MGAT4C: variants seen among roughly 807,000 people sequenced by gnomAD.
The protein encoded by MGAT4C is alpha-1,3-mannosyl-glycoprotein 4-beta-N-acetylglucosaminyltransferase C.
In MGAT4C, 19 loss-of-function variants were observed where a neutral mutation model predicts 40.1. That is an observed-to-expected ratio of 0.47 (90% CI 0.33 to 0.70). MGAT4C has a LOEUF of 0.70. Among genes scored for constraint, MGAT4C ranks in the 30% least tolerant of loss-of-function variants. The probability of loss-of-function intolerance (pLI) is 0.02; values close to 1 mark genes in which losing one functional copy is unlikely to be tolerated. For synonymous variants in MGAT4C, 181 were observed against 187.1 expected, an observed-to-expected ratio of 0.97 and a Z score of 0.27; for missense variants, 491 against 563.2, an observed-to-expected ratio of 0.87 and a Z score of 1.30.
intron 2 of MGAT4C, among the ~76,000 whole-genome samples, chr12:86,439,603 C>A (rs1957193375): frequency 6.6e-6 from 1 of 151,894 alleles, no homozygotes; most frequent in South Asian, 2.1e-4. Context: ...CCAAAGCTAG[C>A]AGAAGATAAA....
chr12:86,475,512 TAGTC>T (rs1264332837), intron 2 of MGAT4C, among the ~76,000 whole-genome samples: 1 of 152,036 alleles, frequency 6.6e-6, no homozygotes, highest in African/African-American at 2.4e-5. Flanking sequence ...AATAAATTGT[TAGTC>T]ATCAATTTGA....
chr12:86,331,004 C>T (rs190946600), intron 4 of MGAT4C, among the ~76,000 whole-genome samples: 2 of 152,244 alleles, frequency 1.3e-5, no homozygotes, highest in East Asian at 3.9e-4. Flanking sequence ...CTGCAGCAAC[C>T]TCAACTCTGG....
intron 1 of MGAT4C, among the ~76,000 whole-genome samples, chr12:86,130,588 C>G (rs929555330): frequency 1.3e-5 from 2 of 151,796 alleles, no homozygotes; most frequent in African/African-American, 4.8e-5. Flanking sequence ...AAAGCTGATA[C>G]AAATTCATAT....
intron 2 of MGAT4C, among the ~76,000 whole-genome samples, chr12:86,622,842 G>T (rs376595341): frequency 2.0e-5 from 3 of 151,984 alleles, no homozygotes; most frequent in Non-Finnish European, 4.4e-5. Flanking sequence ...ACAGGAATGA[G>T]AGAATTAGTA....
intron 2 of MGAT4C, among the ~76,000 whole-genome samples, chr12:86,557,390 G>C (rs1170951032): frequency 6.6e-6 from 1 of 152,178 alleles, no homozygotes; most frequent in Non-Finnish European, 1.5e-5. Flanking sequence ...CCAGTCACCA[G>C]TGATGCCTGC....
intron 4 of MGAT4C, among the ~76,000 whole-genome samples, chr12:86,329,820 G>T (rs1187568633): frequency 6.6e-6 from 1 of 152,134 alleles, no homozygotes; most frequent in Non-Finnish European, 1.5e-5. Flanking sequence ...TGGTGTTAGA[G>T]TTAAAAATTT....
At chr12:86,537,751 A>G (rs1592963594) in intron 2 of MGAT4C, among the ~76,000 whole-genome samples, 1 of 152,178 alleles carries the variant, frequency 6.6e-6, no homozygotes, top group African/African-American at 2.4e-5. Context: ...CATGTACATG[A>G]ATATACATCC....
At chr12:86,747,742 C>A (rs911257075) in intron 1 of MGAT4C, among the ~76,000 whole-genome samples, 2 of 151,082 alleles carry the variant, frequency 1.3e-5, no homozygotes, top group African/African-American at 4.9e-5. Context: ...TGCCAATAGT[C>A]TTTTATGTTC....
intron 4 of MGAT4C, among the ~76,000 whole-genome samples, chr12:86,293,707 C>T (rs1430791827): frequency 1.3e-5 from 2 of 152,104 alleles, no homozygotes; most frequent in Admixed American, 6.5e-5. Flanking sequence ...GTAATCCCCA[C>T]GTGTCAAGGG....
At chr12:86,484,054 G>T (rs1957978899) in intron 2 of MGAT4C, among the ~76,000 whole-genome samples, 1 of 151,914 alleles carries the variant, frequency 6.6e-6, no homozygotes, top group African/African-American at 2.4e-5. Context: ...TAGAGAAGGT[G>T]TGAGTAAAGG....
chr12:86,708,303 A>G (rs1184247717), intron 2 of MGAT4C, among the ~76,000 whole-genome samples: 7 of 152,232 alleles, frequency 4.6e-5, no homozygotes, highest in African/African-American at 1.7e-4. Flanking sequence ...TGGAGCCTGC[A>G]GGAGCACAGA....
intron 2 of MGAT4C, among the ~76,000 whole-genome samples, chr12:86,562,463 C>T (rs150604388): frequency 6.6e-6 from 1 of 152,122 alleles, no homozygotes; most frequent in East Asian, 1.9e-4. Context: ...AGGAAAAAGC[C>T]TCCTCACTCC....
chr12:86,554,316 G>A (rs1386902635), intron 2 of MGAT4C, among the ~76,000 whole-genome samples: 4 of 152,148 alleles, frequency 2.6e-5, no homozygotes, highest in Non-Finnish European at 5.9e-5. Context: ...AAATTTCTCT[G>A]AATGAGGTCA....
chr12:86,272,766 C>T (rs995322223), intron 4 of MGAT4C, among the ~76,000 whole-genome samples: 4 of 151,990 alleles, frequency 2.6e-5, no homozygotes, highest in Non-Finnish European at 5.9e-5. Flanking sequence ...CTGGGAGGGT[C>T]ACATTGAGCC....
At chr12:86,300,687 T>C (rs922351066) in intron 4 of MGAT4C, among the ~76,000 whole-genome samples, 2 of 151,988 alleles carry the variant, frequency 1.3e-5, no homozygotes, top group African/African-American at 2.4e-5. Flanking sequence ...TTTTAAAAAA[T>C]ATATATAACC....
At chr12:86,067,562 T>TG (rs1894670502) in intron 1 of MGAT4C, among the ~76,000 whole-genome samples, 1 of 124,412 alleles carries the variant, frequency 8.0e-6, no homozygotes, top group Middle Eastern at 3.5e-3. Context: ...TGTTGGGGGG[T>TG]GGGGGGATAG....
intron 2 of MGAT4C, among the ~76,000 whole-genome samples, chr12:86,509,824 T>C (rs974464181): frequency 1.3e-4 from 20 of 152,210 alleles, no homozygotes; most frequent in African/African-American, 4.6e-4. Flanking sequence ...TTTGTAGCAA[T>C]TGTGAATGGG....
At chr12:86,609,242 C>T (rs1056499705) in intron 2 of MGAT4C, among the ~76,000 whole-genome samples, 2 of 151,886 alleles carry the variant, frequency 1.3e-5, no homozygotes, top group African/African-American at 2.4e-5. Flanking sequence ...AGATTATCTA[C>T]CAAATTGACT....
chr12:86,649,066 T>C (rs897578050), intron 2 of MGAT4C, among the ~76,000 whole-genome samples: 3 of 151,914 alleles, frequency 2.0e-5, no homozygotes, highest in Non-Finnish European at 2.9e-5. Flanking sequence ...CATGTAATTT[T>C]GTTTCAATGA....
Sources: gnomAD v4.1 joint callset for allele counts (sites outside exome capture counted in the v4.1 genomes callset) on GRCh38, gnomAD v4.1.1 for gene constraint, MANE v1.5 for transcripts, NCBI Gene and HGNC (gene_info 2026-07-23, HGNC 2026-07-21) for gene names.